FAM13A: variants seen among roughly 807,000 people sequenced by gnomAD.
FAM13A encodes the protein family with sequence similarity 13 member A.
A neutral mutation model predicts 129.6 loss-of-function variants in FAM13A; 76 were observed. The observed-to-expected ratio is 0.59, with a 90% CI of 0.49 to 0.71. The LOEUF (loss-of-function observed/expected upper bound fraction) is 0.71. FAM13A is among the 30% of genes least tolerant of loss of function. The pLI is 0.00. For missense variants in FAM13A, 1,108 were observed against 1,249.3 expected, an observed-to-expected ratio of 0.89 and a Z score of 1.70; for synonymous variants, 443 against 449.9, an observed-to-expected ratio of 0.98 and a Z score of 0.20.
intron 5 of FAM13A, among the ~76,000 whole-genome samples, chr4:88,929,490 T>G (rs1752716945): frequency 7.4e-6 from 1 of 135,956 alleles, no homozygotes; most frequent in South Asian, 2.2e-4. Context: ...TCTAAACTTT[T>G]TTTTATCCCT....
chr4:88,841,839 T>C (rs1735881641), intron 7 of FAM13A, among the ~76,000 whole-genome samples: 1 of 152,142 alleles, frequency 6.6e-6, no homozygotes, highest in African/African-American at 2.4e-5. Flanking sequence ...GGCAGCTGCT[T>C]TGTCATTCCT....
intron 6 of FAM13A, among the ~76,000 whole-genome samples, chr4:88,864,318 A>G (rs1740014201): frequency 6.6e-6 from 1 of 152,236 alleles, no homozygotes; most frequent in Non-Finnish European, 1.5e-5. Flanking sequence ...GGAACTTCAA[A>G]TAAATTTCTT....
intron 21 of FAM13A, among the ~76,000 whole-genome samples, chr4:88,733,417 A>T (rs1738294355): frequency 1.3e-5 from 2 of 152,252 alleles, no homozygotes; most frequent in Admixed American, 6.5e-5. Flanking sequence ...AAATTGTTAA[A>T]AACATTTAAA....
chr4:88,860,015 C>CTG (rs1561184987), intron 6 of FAM13A, among the ~76,000 whole-genome samples: 1 of 152,020 alleles, frequency 6.6e-6, no homozygotes, highest in Admixed American at 6.6e-5. Context: ...TTTCCCCCTC[C>CTG]CTTGCTGCCT....
At position 88,729,895 on chromosome 4, in the gene FAM13A, ACTTGT is replaced by A. The variant is rs944445524; in HGVS notation, c.2946-1241_2946-1237del. On this transcript the variant is annotated intron_variant, in intron 23 of 23. Coordinates refer to ENST00000264344, the MANE Select transcript of FAM13A (RefSeq NM_014883.4). The stretch of plus-strand genomic sequence containing the variant: ...GATACACGTCAAAACATTAATTCTG[ACTTGT>A]CTTTGGTTATTATTGTTTTGGGAAT... The A allele has an allele frequency of 2.6e-5, 4 of 152,252 alleles. No homozygotes were observed. The South Asian group carries it at 8.3e-4, about 32-fold the overall frequency. The allele number at this position is 152,252 out of a possible 1,614,324, so 9.4% of individuals were successfully genotyped here. A position where few individuals can be genotyped will look rare whatever the true frequency, so the allele number is the denominator to read the frequency against.
At chr4:88,820,433 T>A (rs747851569) in intron 7 of FAM13A, among the ~76,000 whole-genome samples, 1 of 152,142 alleles carries the variant, frequency 6.6e-6, no homozygotes, top group Non-Finnish European at 1.5e-5. Context: ...CAGTACAGAG[T>A]AGTGTTCAGT....
chr4:88,947,957 C>T (rs942302274), intron 4 of FAM13A, among the ~76,000 whole-genome samples: 1 of 151,866 alleles, frequency 6.6e-6, no homozygotes. Flanking sequence ...ACTATATTAA[C>T]GGTGTTAAAA....
At chr4:88,884,746 C>T (rs1418018742) in intron 6 of FAM13A, among the ~76,000 whole-genome samples, 3 of 152,060 alleles carry the variant, frequency 2.0e-5, no homozygotes, top group East Asian at 1.9e-4. Flanking sequence ...TATCTAAGAA[C>T]CCTAAAGAGT....
intron 4 of FAM13A, among the ~76,000 whole-genome samples, chr4:88,960,619 G>A (rs1579508702): frequency 6.6e-6 from 1 of 152,124 alleles, no homozygotes; most frequent in African/African-American, 2.4e-5. Context: ...TCAGCAAGAG[G>A]AGAGAAGAGA....
At chr4:88,844,929 A>G (rs1384710455) in intron 7 of FAM13A, among the ~76,000 whole-genome samples, 3 of 152,192 alleles carry the variant, frequency 2.0e-5, no homozygotes, top group Non-Finnish European at 2.9e-5. Context: ...TGGGAAGACA[A>G]GTCTGCTAGT....
intron 3 of FAM13A, among the ~76,000 whole-genome samples, chr4:89,014,231 G>A (rs1216318225): frequency 6.6e-6 from 1 of 152,202 alleles, no homozygotes; most frequent in Admixed American, 6.5e-5. Context: ...TACCGTATTT[G>A]CCATTGATTT....
intron 11 of FAM13A, among the ~76,000 whole-genome samples, chr4:88,773,593 AC>A (rs1256962397): frequency 6.6e-6 from 1 of 151,934 alleles, no homozygotes; most frequent in Non-Finnish European, 1.5e-5. Context: ...TCATCTGCTT[AC>A]CCCCTAAATG....
intron 4 of FAM13A, among the ~76,000 whole-genome samples, chr4:88,947,381 C>A (rs1198822959): frequency 6.6e-6 from 1 of 152,146 alleles, no homozygotes; most frequent in African/African-American, 2.4e-5. Flanking sequence ...TGCATTCTAA[C>A]TTGGGTGACA....
chr4:88,820,242 A>C (rs972586100), intron 7 of FAM13A, among the ~76,000 whole-genome samples: 10 of 152,176 alleles, frequency 6.6e-5, no homozygotes, highest in African/African-American at 2.2e-4. Flanking sequence ...ACACGGGGTT[A>C]AATAATACAC....
intron 3 of FAM13A, among the ~76,000 whole-genome samples, chr4:89,018,180 T>C (rs996204873): frequency 8.5e-5 from 13 of 152,292 alleles, no homozygotes; most frequent in South Asian, 4.1e-4. Context: ...GTGATTGTAT[T>C]TGGGGCCTTT....
intron 8 of FAM13A, among the ~76,000 whole-genome samples, chr4:88,797,737 T>C (rs1427597289): frequency 6.6e-6 from 1 of 152,168 alleles, no homozygotes; most frequent in African/African-American, 2.4e-5. Context: ...CCCTCCTCAT[T>C]TCAGCTGTTC....
intron 6 of FAM13A, among the ~76,000 whole-genome samples, chr4:88,881,734 T>C (rs914363256): frequency 6.6e-6 from 1 of 151,664 alleles, no homozygotes; most frequent in East Asian, 1.9e-4. Context: ...AAAAATGATA[T>C]AACATATGAA....
chr4:88,978,711 G>A (rs190654662), intron 4 of FAM13A, among the ~76,000 whole-genome samples: 6 of 152,042 alleles, frequency 3.9e-5, no homozygotes, highest in East Asian at 3.9e-4. Flanking sequence ...GGAGAATGGG[G>A]TAAACCTGGG....
At chr4:88,853,100 T>A (rs1470963305) in intron 6 of FAM13A, among the ~76,000 whole-genome samples, 1 of 152,182 alleles carries the variant, frequency 6.6e-6, no homozygotes, top group Non-Finnish European at 1.5e-5. Flanking sequence ...TAATTTTTCA[T>A]GACATTTCTT....
Sources: allele counts gnomAD v4.1 joint callset (sites outside exome capture counted in the v4.1 genomes callset), GRCh38; gene constraint gnomAD v4.1.1; transcripts MANE v1.5; gene names NCBI Gene and HGNC (gene_info 2026-07-23, HGNC 2026-07-21).